Variants in FREM1 observed in about 807,000 individuals in gnomAD.
FREM1 encodes FRAS1 related extracellular matrix 1, also known as FRAS1-related extracellular matrix protein 1.
Under a neutral mutation model 210.1 loss-of-function variants are expected in FREM1, and 220 were observed. The ratio of observed to expected loss-of-function variants is 1.05; its 90% CI spans 0.94 to 1.17. The LOEUF (loss-of-function observed/expected upper bound fraction) is 1.17, where lower values mean the gene tolerates loss of function less well. FREM1 is among the 50% of genes most tolerant of loss of function. The pLI, the probability that FREM1 is intolerant of heterozygous loss-of-function variation, is 0.00. For missense variants in FREM1, 3,454 were observed against 2,675.5 expected, an observed-to-expected ratio of 1.29 and a Z score of -6.42; for synonymous variants, 1,189 against 980.2, an observed-to-expected ratio of 1.21 and a Z score of -3.98.
chr9:14,826,298 G>T (rs532704973), intron 10 of FREM1, among the ~76,000 whole-genome samples: 2 of 152,116 alleles, frequency 1.3e-5, no homozygotes, highest in South Asian at 4.2e-4. Flanking sequence ...CACCATGTTG[G>T]CCAGTCTGGT....
chr9:14,858,845 T>C (rs1263565752), intron 4 of FREM1, among the ~76,000 whole-genome samples: 1 of 152,200 alleles, frequency 6.6e-6, no homozygotes, highest in African/African-American at 2.4e-5. Context: ...AATGAGTACC[T>C]ACTGTGAGCC....
rs1028067387 is a variant in FREM1 at position 14,893,955 on chromosome 9, T to A, written c.-268+15959A>T. ...AAATAAAAGCACAACAGGTTTTTCT[T>A]AGAGCACTGATCTTCTCTTTCACAA... On this transcript the variant is annotated intron_variant, in intron 1 of 36. Coordinates refer to ENST00000380880, the MANE Select transcript of FREM1 (RefSeq NM_001379081.2). Among the ~76,000 whole-genome samples, 5 of 152,236 alleles carry A rather than the reference T, an allele frequency of 3.3e-5. No homozygotes were observed. In the East Asian group the frequency reaches 9.6e-4, roughly 29 times the overall value.
At chr9:14,841,750 G>GA (rs2131202545) in intron 9 of FREM1, among the ~76,000 whole-genome samples, 161 bp from the exon 10 acceptor site, 1 of 152,204 alleles carries the variant, frequency 6.6e-6, no homozygotes, top group Admixed American at 6.5e-5. Flanking sequence ...TAATAAAGCA[G>GA]AAAAATAATA....
intron 24 of FREM1, among the ~76,000 whole-genome samples, chr9:14,780,641 T>TA (rs1313836466): frequency 6.6e-6 from 1 of 152,052 alleles, no homozygotes; most frequent in African/African-American, 2.4e-5. Flanking sequence ...TTGCAGAAGG[T>TA]AAAATCTGAC....
rs1159211744 is a variant in FREM1 at position 14,747,007 on chromosome 9, C to G, written c.6054G>C (p.Lys2018Asn). Reference protein sequence around the residue: ...SFPKNCTLELKGLFHFEEGIQ... With the variant: ...SFPKNCTLELNGLFHFEEGIQ... ...TGCCTTCTTCAAAATGGAAGAGTCCCTTTAATTCCAGAGTGCAGTTCTTTG... is the reference window on the plus strand; with the variant it reads ...TGCCTTCTTCAAAATGGAAGAGTCCGTTTAATTCCAGAGTGCAGTTCTTTG... Residue 2018 changes from lysine (K) to asparagine (N), a missense_variant, in exon 34 of 37, where the codon AAG becomes AAC. Transcript: ENST00000380880. 3 of 1,612,998 alleles carry G rather than the reference C, an allele frequency of 1.9e-6. No homozygotes were observed. Among genetic ancestry groups the G allele is most frequent in the Non-Finnish European group, 2.5e-6 (3 of 1,179,546 alleles).
chr9:14,871,224 C>T, intron 1 of FREM1, among the ~76,000 whole-genome samples: 1 of 152,196 alleles, frequency 6.6e-6, no homozygotes, highest in Non-Finnish European at 1.5e-5. Context: ...CCTGAAGAAT[C>T]ACCACACTGA....
intron 36 of FREM1, among the ~76,000 whole-genome samples, chr9:14,738,194 A>G (rs1458957749): frequency 6.6e-6 from 1 of 152,118 alleles, no homozygotes; most frequent in East Asian, 1.9e-4. Context: ...TGCAAATTAC[A>G]CTTTAATGTT....
At chr9:14,824,572 G>A (rs753269034) in intron 11 of FREM1, among the ~76,000 whole-genome samples, 9 of 152,224 alleles carry the variant, frequency 5.9e-5, no homozygotes, top group African/African-American at 1.7e-4. Context: ...GCCTACCAAT[G>A]CTGAAGACAC....
chr9:14,769,730 G>C lies in FREM1; in HGVS notation c.5198C>G (p.Pro1733Arg). Residue 1733 changes from proline to arginine, a missense_variant, in exon 27 of 37, where the codon CCT (proline) becomes CGT (arginine). Physicochemically the swap from Pro to Arg is moderately radical, Grantham distance 103. Coordinates refer to ENST00000380880, the MANE Select transcript of FREM1 (RefSeq NM_001379081.2). ...IMDPTGNSAT[P>R]QILELKWSHI... ...AATAAGCAAGAGAATTTACATTTGA[G>C]GAGTGGCCGAGTTCCCTGTGGGGTC... 1 of 1,612,080 alleles carries C rather than the reference G, an allele frequency of 6.2e-7. No homozygotes were observed. Among genetic ancestry groups the C allele is most frequent in the Non-Finnish European group, 8.5e-7 (1 of 1,178,794 alleles).
At chr9:14,819,594 A>C (rs1820912887) in intron 13 of FREM1, among the ~76,000 whole-genome samples, 152 bp from the exon 14 acceptor site, 1 of 152,258 alleles carries the variant, frequency 6.6e-6, no homozygotes, top group South Asian at 2.1e-4. Flanking sequence ...ATAGCTAGAC[A>C]TTTTGACTGA....
intron 8 of FREM1, among the ~76,000 whole-genome samples, chr9:14,844,767 T>C (rs1232358836): frequency 2.6e-5 from 4 of 152,206 alleles, no homozygotes; most frequent in African/African-American, 9.6e-5. Flanking sequence ...GATAAAGAAA[T>C]CTAAGTGGAA....
chr9:14,796,035 A>T (rs1588034445), intron 21 of FREM1, among the ~76,000 whole-genome samples: 1 of 152,324 alleles, frequency 6.6e-6, no homozygotes, highest in East Asian at 1.9e-4. Flanking sequence ...GAAAATAGAA[A>T]TTTTTTGGTG....
intron 1 of FREM1, among the ~76,000 whole-genome samples, chr9:14,885,603 T>C (rs562200264): frequency 1.3e-5 from 2 of 152,190 alleles, no homozygotes; most frequent in African/African-American, 4.8e-5. Flanking sequence ...TTAATTTTCA[T>C]AGGGATGGGA....
At chr9:14,742,067 T>C (rs985271703) in intron 35 of FREM1, among the ~76,000 whole-genome samples, 1 of 152,222 alleles carries the variant, frequency 6.6e-6, no homozygotes, top group African/African-American at 2.4e-5. Context: ...ATGTTTATTA[T>C]TTTAGAAAAA....
chr9:14,800,005 T>C (rs1257975733), intron 20 of FREM1, among the ~76,000 whole-genome samples: 1 of 140,314 alleles, frequency 7.1e-6, no homozygotes, highest in Non-Finnish European at 1.5e-5. Flanking sequence ...TGTCCATGTG[T>C]TCTCATTGTT....
chr9:14,812,534 G>A (rs1487315166), intron 16 of FREM1, among the ~76,000 whole-genome samples: 1 of 152,142 alleles, frequency 6.6e-6, no homozygotes. Flanking sequence ...AAAACGCTAA[G>A]GAGAATCATA....
In FREM1 at chr9:14,789,249, C is replaced by A. The variant is rs115148487; in HGVS notation, c.3982-135G>T. ...CAGGGAAATTCCAGACTACTTTTTG[C>A]CACTTTACCTGATTTTTTTTTCTTT... On this transcript the variant is annotated intron_variant, in intron 22 of 36. Coordinates refer to ENST00000380880, the MANE Select transcript of FREM1 (RefSeq NM_001379081.2). The A allele has an allele frequency of 2.5e-3, 1,358 of 544,692 alleles. 13 individuals carry two copies. Among genetic ancestry groups the A allele is most frequent in the African/African-American group, 0.023 (1,180 of 52,172 alleles). The allele number at this position is 544,692 out of a possible 1,614,324, so 33.7% of individuals were successfully genotyped here.
At chr9:14,864,146 A>C (rs1477372732) in intron 2 of FREM1, among the ~76,000 whole-genome samples, 2 of 151,788 alleles carry the variant, frequency 1.3e-5, no homozygotes, top group Non-Finnish European at 2.9e-5. Context: ...AGTTCAAGAA[A>C]ATTAGTTAAG....
chr9:14,805,801 G>A (rs989044046), intron 18 of FREM1, among the ~76,000 whole-genome samples: 5 of 152,204 alleles, frequency 3.3e-5, no homozygotes, highest in African/African-American at 9.7e-5. Context: ...GTCTTTGGAA[G>A]ACTTTGTCTT....
Sources: allele counts gnomAD v4.1 joint callset (sites outside exome capture counted in the v4.1 genomes callset), GRCh38; gene constraint gnomAD v4.1.1; transcripts MANE v1.5; gene names NCBI Gene and HGNC (gene_info 2026-07-23, HGNC 2026-07-21).